Variants in GPC5 observed in about 807,000 individuals in gnomAD.
GPC5 encodes the protein glypican 5.
In GPC5, 47 loss-of-function variants were observed where a neutral mutation model predicts 53.9. The ratio of observed to expected loss-of-function variants is 0.87; its 90% CI spans 0.69 to 1.11. The LOEUF is 1.11. Among genes scored for constraint, GPC5 ranks in the 50% most tolerant of loss-of-function variants. The pLI is 0.00. For synonymous variants in GPC5, 286 were observed against 263.3 expected, an observed-to-expected ratio of 1.09 and a Z score of -0.84; for missense variants, 748 against 713.1, an observed-to-expected ratio of 1.05 and a Z score of -0.56.
Position 92,590,710 on chromosome 13 carries a change from G to T in GPC5, c.1562-275572G>T, listed in dbSNP as rs551760098. 3.3e-5 allele frequency among the ~76,000 whole-genome samples: 5 copies of T among 152,344 alleles called. No individual in the cohort carries two copies. In the South Asian group the frequency reaches 1.0e-3, roughly 32 times the overall value. On this transcript the variant is annotated intron_variant, in intron 7 of 7. Coordinates refer to ENST00000377067, the MANE Select transcript of GPC5 (RefSeq NM_004466.6). ...TGTTATTGCAGGTTCAACATTGTGT[G>T]TGTTGCTCTCCGAAACAGACACTTG...
intron 2 of GPC5, among the ~76,000 whole-genome samples, chr13:91,663,414 A>AT (rs1490242779): frequency 6.6e-6 from 1 of 152,020 alleles, no homozygotes; most frequent in Non-Finnish European, 1.5e-5. Flanking sequence ...TTATTCTTAT[A>AT]TTTTAGCCTC....
rs7992605 is a variant in GPC5, at chr13:92,730,919, T to C, written c.1562-135363T>C. Among the ~76,000 whole-genome samples, 295 of 151,616 alleles carry C rather than the reference T, an allele frequency of 1.9e-3. 1 individual carries two copies. Among genetic ancestry groups the C allele is most frequent in the African/African-American group, 6.8e-3 (284 of 41,486 alleles). On this transcript the variant is annotated intron_variant, in intron 7 of 7. Coordinates refer to ENST00000377067, the MANE Select transcript of GPC5 (RefSeq NM_004466.6). ...TGAAAATTATTACCAATTCATATTA[T>C]ATAGTGACTACTTCTCCCTCATTTG...
At chr13:92,104,145 T>C (rs1388730695) in intron 6 of GPC5, among the ~76,000 whole-genome samples, 1 of 152,070 alleles carries the variant, frequency 6.6e-6, no homozygotes, top group African/African-American at 2.4e-5. Flanking sequence ...ACAATGAAAA[T>C]ACTGAGAATG....
chr13:92,296,536 C>A (rs1461850799), intron 7 of GPC5, among the ~76,000 whole-genome samples: 1 of 152,190 alleles, frequency 6.6e-6, no homozygotes, highest in Non-Finnish European at 1.5e-5. Flanking sequence ...CTCTCAGCAC[C>A]ACCCCTGCCT....
intron 6 of GPC5, among the ~76,000 whole-genome samples, chr13:91,970,296 G>A (rs115044016): frequency 2.0e-5 from 3 of 152,102 alleles, no homozygotes; most frequent in African/African-American, 7.2e-5. Flanking sequence ...GGGGAATGGG[G>A]AATGGGGAGA....
At chr13:91,868,821 T>C (rs1322900389) in intron 5 of GPC5, among the ~76,000 whole-genome samples, 1 of 152,132 alleles carries the variant, frequency 6.6e-6, no homozygotes, top group Non-Finnish European at 1.5e-5. Flanking sequence ...GTGGGAGATA[T>C]TAATGTTCTG....
At position 92,257,546 on chromosome 13, in the gene GPC5, A is replaced by ATT. The variant is rs398023955; in HGVS notation, c.1561+112577_1561+112578dup. Among the ~76,000 whole-genome samples, 175 of 72,936 alleles carry ATT rather than the reference A, an allele frequency of 2.4e-3. 14 individuals carry two copies. The highest frequency in any genetic ancestry group is 0.011 in the African/African-American group (136 of 12,942). The allele number at this position is 72,936 out of a possible 152,430, so 47.8% of individuals were successfully genotyped here. A position where few individuals can be genotyped will look rare whatever the true frequency, so the allele number is the denominator to read the frequency against. ...AGTGAGAGAGGTTTCTAATACAGGG[A>ATT]TTTTTTTTTTTTTTTTTTTTTGGGG... On this transcript the variant is annotated intron_variant, in intron 7 of 7. Coordinates refer to ENST00000377067, the MANE Select transcript of GPC5 (RefSeq NM_004466.6).
intron 7 of GPC5, among the ~76,000 whole-genome samples, chr13:92,586,554 G>C (rs1160228339): frequency 1.3e-5 from 2 of 152,168 alleles, no homozygotes; most frequent in Non-Finnish European, 2.9e-5. Flanking sequence ...GAATGAACTG[G>C]AGCAATGAAC....
At chr13:91,685,960 G>T (rs1440731557) in intron 2 of GPC5, among the ~76,000 whole-genome samples, 2 of 151,488 alleles carry the variant, frequency 1.3e-5, no homozygotes. Context: ...AAAGAGGAAG[G>T]AGAACCACCA....
chr13:91,878,491 T>A (rs138058953), intron 5 of GPC5, among the ~76,000 whole-genome samples: 2,932 of 152,294 alleles, frequency 0.019, 45 homozygotes, highest in Middle Eastern at 0.037. Flanking sequence ...ATACATAAGA[T>A]AATTGAGTGA....
intron 2 of GPC5, among the ~76,000 whole-genome samples, chr13:91,621,614 A>G (rs2139366606): frequency 6.6e-6 from 1 of 152,062 alleles, no homozygotes; most frequent in Admixed American, 6.6e-5. Context: ...GGAGTCAACC[A>G]AAAAGAGAGT....
intron 7 of GPC5, among the ~76,000 whole-genome samples, chr13:92,555,222 T>A (rs1005736949): frequency 6.6e-5 from 10 of 151,562 alleles, no homozygotes; most frequent in African/African-American, 2.4e-4. Flanking sequence ...TGAACATATG[T>A]GTAAATACTA....
chr13:91,424,019 A>G (rs1878828449), intron 1 of GPC5, among the ~76,000 whole-genome samples: 1 of 152,250 alleles, frequency 6.6e-6, no homozygotes, highest in Non-Finnish European at 1.5e-5. Flanking sequence ...GAAGAAAAAC[A>G]GGTCATTTTA....
intron 7 of GPC5, among the ~76,000 whole-genome samples, chr13:92,306,440 A>G (rs2043111230): frequency 6.6e-6 from 1 of 152,126 alleles, no homozygotes; most frequent in Non-Finnish European, 1.5e-5. Flanking sequence ...AAGTAAGGAG[A>G]GCTTGAGGGA....
At chr13:92,454,440 C>T (rs940717828) in intron 7 of GPC5, among the ~76,000 whole-genome samples, 32 of 152,114 alleles carry the variant, frequency 2.1e-4, no homozygotes, top group African/African-American at 7.7e-4. Context: ...TGAATATAAC[C>T]AAGATTCAAC....
intron 7 of GPC5, among the ~76,000 whole-genome samples, chr13:92,431,122 T>C (rs975146289): frequency 1.3e-5 from 2 of 152,314 alleles, no homozygotes; most frequent in Middle Eastern, 3.4e-3. Context: ...TCGTAACATA[T>C]GTAAACCACA....
rs564367976 is a variant in GPC5, at chr13:91,846,937, G to A, written c.1281-61000G>A. On this transcript the variant is annotated intron_variant, in intron 5 of 7. Coordinates refer to ENST00000377067, the MANE Select transcript of GPC5 (RefSeq NM_004466.6). ...AATTTTGTGCAACTGAAATGGGTGC[G>A]GGCTGGGCACGGTGGCTCACTCCTG... 5.3e-5 allele frequency among the ~76,000 whole-genome samples: 8 copies of A among 152,054 alleles called. No homozygotes were observed. The South Asian group carries it at 1.5e-3, about 28-fold the overall frequency.
intron 6 of GPC5, among the ~76,000 whole-genome samples, chr13:92,099,315 C>G (rs949604056): frequency 6.6e-6 from 1 of 152,162 alleles, no homozygotes; most frequent in Non-Finnish European, 1.5e-5. Flanking sequence ...GTACATGGCT[C>G]CTGCTACCCA....
intron 6 of GPC5, among the ~76,000 whole-genome samples, chr13:92,135,992 T>A (rs1279330708): frequency 1.3e-5 from 2 of 152,246 alleles, no homozygotes; most frequent in Admixed American, 1.3e-4. Flanking sequence ...AGTAGAAAAG[T>A]TTGGTATAAG....
Sources: allele counts gnomAD v4.1 joint callset (sites outside exome capture counted in the v4.1 genomes callset), GRCh38; gene constraint gnomAD v4.1.1; transcripts MANE v1.5; gene names NCBI Gene and HGNC (gene_info 2026-07-23, HGNC 2026-07-21).